PDGFD: variants seen among roughly 807,000 people sequenced by gnomAD.
PDGFD encodes platelet derived growth factor D, also known as platelet-derived growth factor D.
In PDGFD, 30 loss-of-function variants were observed where a neutral mutation model predicts 44.7. That is an observed-to-expected ratio of 0.67 (90% CI 0.50 to 0.91). The LOEUF (loss-of-function observed/expected upper bound fraction) is 0.91. PDGFD is among the 40% of genes least tolerant of loss of function. PDGFD has a pLI of 0.00. For synonymous variants in PDGFD, 173 were observed against 168.4 expected (o/e 1.03, Z -0.21); for missense variants, 445 against 457.8 (o/e 0.97, Z 0.25).
At chr11:104,141,007 C>A (rs1287904772) in intron 1 of PDGFD, among the ~76,000 whole-genome samples, 1 of 152,196 alleles carries the variant, frequency 6.6e-6, no homozygotes, top group African/African-American at 2.4e-5. Flanking sequence ...CAGCAAAGGG[C>A]CTACATGGTC....
chr11:103,929,236 C>T (rs1038342719), intron 5 of PDGFD, among the ~76,000 whole-genome samples: 4 of 152,138 alleles, frequency 2.6e-5, no homozygotes, highest in Admixed American at 6.5e-5. Context: ...CCCCCTTTTG[C>T]TCCATAGTCT....
chr11:104,073,961 A>C (rs920773546), intron 1 of PDGFD, among the ~76,000 whole-genome samples: 8 of 152,242 alleles, frequency 5.3e-5, no homozygotes, highest in Non-Finnish European at 2.9e-5. Context: ...TGTAATTTTT[A>C]AAACCTCTCT....
intron 1 of PDGFD, among the ~76,000 whole-genome samples, chr11:104,056,022 G>C (rs1168961249): frequency 6.6e-6 from 1 of 152,168 alleles, no homozygotes; most frequent in East Asian, 1.9e-4. Context: ...TCAAAGTTAA[G>C]TTTCTAATAT....
At chr11:104,012,781 T>C (rs1269798141) in intron 1 of PDGFD, among the ~76,000 whole-genome samples, 2 of 152,242 alleles carry the variant, frequency 1.3e-5, no homozygotes, top group African/African-American at 2.4e-5. Flanking sequence ...CTCCGAAATC[T>C]GGGAAAATGA....
At chr11:103,977,146 A>G (rs1306817397) in intron 3 of PDGFD, among the ~76,000 whole-genome samples, 2 of 152,144 alleles carry the variant, frequency 1.3e-5, no homozygotes, top group Admixed American at 1.3e-4. Flanking sequence ...ACCAGGAAGA[A>G]GTCAAATCCC....
chr11:104,045,038 A>AAAAC lies in PDGFD; in HGVS notation c.125-44787_125-44784dup, dbSNP rs574441782. Among the ~76,000 whole-genome samples the AAAAC allele has an allele frequency of 1.1e-3, 163 of 152,162 alleles. 1 individual carries two copies. Among genetic ancestry groups the AAAAC allele is most frequent in the South Asian group, 0.011 (51 of 4,806 alleles). On this transcript the variant is annotated intron_variant, in intron 1 of 6. Coordinates refer to ENST00000393158, the MANE Select transcript of PDGFD (RefSeq NM_025208.5). Reference sequence around the variant, plus strand: ...CGGCGACAGAGGGAGACTCTGTCTAAAAACAAACAAACAAACAAACAAACA... The same window carrying AAAAC: ...CGGCGACAGAGGGAGACTCTGTCTAAAAACAAACAAACAAACAAACAAACAAACA...
intron 1 of PDGFD, among the ~76,000 whole-genome samples, chr11:104,156,349 TG>T (rs1862307652): frequency 6.6e-6 from 1 of 152,052 alleles, no homozygotes; most frequent in Non-Finnish European, 1.5e-5. Flanking sequence ...AGCAAGACTC[TG>T]TCTCAAAAAA....
intron 1 of PDGFD, among the ~76,000 whole-genome samples, chr11:104,162,222 A>G (rs766768372): frequency 1.3e-5 from 2 of 151,914 alleles, no homozygotes; most frequent in Non-Finnish European, 2.9e-5. Flanking sequence ...CAATGGTTAC[A>G]TGCTTTTCAT....
At position 104,150,126 on chromosome 11, in the gene PDGFD, T is replaced by C. The variant is rs572359790; in HGVS notation, c.124+13678A>G. 2.0e-5 allele frequency among the ~76,000 whole-genome samples: 3 copies of C among 152,158 alleles called. No homozygotes were observed. In the East Asian group the frequency reaches 5.8e-4, roughly 29 times the overall value. ...GCAGCGGACTTGCAACAAATTTTTA[T>C]GGAATTAAAAATGAAAAAACATATG... On this transcript the variant is annotated intron_variant, in intron 1 of 6. Transcript: ENST00000393158.
chr11:103,978,372 C>T (rs2134349578), intron 3 of PDGFD, among the ~76,000 whole-genome samples: 1 of 151,976 alleles, frequency 6.6e-6, no homozygotes, highest in South Asian at 2.1e-4. Flanking sequence ...TCCTAATGTC[C>T]CCACACAGAA....
chr11:104,027,859 C>T (rs1012775410), intron 1 of PDGFD, among the ~76,000 whole-genome samples: 1 of 152,076 alleles, frequency 6.6e-6, no homozygotes, highest in African/African-American at 2.4e-5. Flanking sequence ...GATCTCCTGG[C>T]CTTCTTGGTA....
chr11:104,158,894 C>T (rs1862348421), intron 1 of PDGFD, among the ~76,000 whole-genome samples: 1 of 151,736 alleles, frequency 6.6e-6, no homozygotes, highest in Non-Finnish European at 1.5e-5. Context: ...GTGGCTCAAG[C>T]CTGTAATCCC....
chr11:103,967,512 T>C (rs1448218319), intron 3 of PDGFD, among the ~76,000 whole-genome samples: 2 of 152,206 alleles, frequency 1.3e-5, no homozygotes. Context: ...TCGATCTCAC[T>C]GAGCCCTCCA....
intron 5 of PDGFD, among the ~76,000 whole-genome samples, chr11:103,931,851 T>C (rs1858404692): frequency 6.6e-6 from 1 of 152,212 alleles, no homozygotes; most frequent in Admixed American, 6.5e-5. Flanking sequence ...TAAAGTTCTT[T>C]ATAAACTCTT....
At chr11:104,151,553 A>G (rs1862245771) in intron 1 of PDGFD, among the ~76,000 whole-genome samples, 1 of 152,166 alleles carries the variant, frequency 6.6e-6, no homozygotes, top group Non-Finnish European at 1.5e-5. Context: ...ATAATACATC[A>G]TGCTCAAAGT....
chr11:103,987,175 GT>G (rs1366778358), intron 3 of PDGFD, among the ~76,000 whole-genome samples: 42 of 151,650 alleles, frequency 2.8e-4, no homozygotes, highest in African/African-American at 9.4e-4. Context: ...CTGGCTCTGT[GT>G]GAATTAAGCT....
chr11:104,108,218 A>C (rs944452149), intron 1 of PDGFD, among the ~76,000 whole-genome samples: 2 of 151,302 alleles, frequency 1.3e-5, no homozygotes, highest in African/African-American at 4.8e-5. Context: ...GGATCTAATT[A>C]AACTAAAGAG....
Position 104,024,059 on chromosome 11 carries a change from C to T in PDGFD, c.125-23804G>A, listed in dbSNP as rs755108533. ...ACATATGCCATACATGTAACATTAA[C>T]GAAAGCTCTCAGGAAAAAATGTCAC... On this transcript the variant is annotated intron_variant, in intron 1 of 6. Transcript: ENST00000393158. Among the ~76,000 whole-genome samples the T allele has an allele frequency of 6.6e-5, 10 of 152,056 alleles. No homozygotes were observed. The East Asian group carries it at 1.2e-3, about 18-fold the overall frequency.
chr11:104,102,730 G>T lies in PDGFD; in HGVS notation c.124+61074C>A, dbSNP rs535030067. 1.3e-4 allele frequency among the ~76,000 whole-genome samples: 20 copies of T among 152,188 alleles called. No homozygotes were observed. The East Asian group carries it at 3.7e-3, about 28-fold the overall frequency. On this transcript the variant is annotated intron_variant, in intron 1 of 6. Transcript: ENST00000393158. ...TAAGAAAATGTGGCACATATACGCC[G>T]TGGAATACTATGCAGCCATAAAAAA...
Sources: gnomAD v4.1 joint callset for allele counts (sites outside exome capture counted in the v4.1 genomes callset) on GRCh38, gnomAD v4.1.1 for gene constraint, MANE v1.5 for transcripts, NCBI Gene and HGNC (gene_info 2026-07-23, HGNC 2026-07-21) for gene names.